NKD2: variants seen among roughly 807,000 people sequenced by gnomAD.
NKD2 encodes protein naked cuticle homolog 2.
A neutral mutation model predicts 34.8 loss-of-function variants in NKD2; 43 were observed. That is an observed-to-expected ratio of 1.24 (90% CI 0.97 to 1.60). The LOEUF is 1.60. Ranked by LOEUF, NKD2 falls within the 40% of genes most tolerant of loss-of-function variation. The pLI, the probability that NKD2 is intolerant of heterozygous loss-of-function variation, is 0.00. For missense variants in NKD2, 675 were observed against 627.1 expected, an observed-to-expected ratio of 1.08 and a Z score of -0.82; for synonymous variants, 278 against 265.1, an observed-to-expected ratio of 1.05 and a Z score of -0.47.
intron 3 of NKD2, among the ~76,000 whole-genome samples, chr5:1,031,456 C>T (rs1167664386): frequency 6.6e-6 from 1 of 152,154 alleles, no homozygotes; most frequent in Non-Finnish European, 1.5e-5. Context: ...CCCATCCCTC[C>T]CGCCCGCCTG....
At chr5:1,036,763 G>C (rs1442753964) in intron 9 of NKD2, 1 of 474,978 alleles carries the variant, frequency 2.1e-6, no homozygotes, top group Non-Finnish European at 4.2e-6. Flanking sequence ...AGCAGAGGGG[G>C]TCGTCCAGTA....
intron 9 of NKD2, chr5:1,036,871 G>A: frequency 2.2e-6 from 1 of 451,686 alleles, no homozygotes; most frequent in Non-Finnish European, 4.4e-6. Flanking sequence ...GTGGATGGCA[G>A]GCAGGCAGTG....
chr5:1,035,562 C>A, intron 8 of NKD2, 89 bp downstream of exon 8: 1 of 1,018,218 alleles, frequency 9.8e-7, no homozygotes, highest in Non-Finnish European at 1.5e-6. Context: ...AGGCCACAGG[C>A]CACACACCAT....
chr5:1,010,092 G>C (rs1355153261), intron 3 of NKD2, among the ~76,000 whole-genome samples: 2 of 152,186 alleles, frequency 1.3e-5, no homozygotes, highest in African/African-American at 2.4e-5. Context: ...AGGAGACAGA[G>C]GGACATCTGC....
chr5:1,016,241 C>T (rs1485169536), intron 3 of NKD2, among the ~76,000 whole-genome samples: 1 of 152,262 alleles, frequency 6.6e-6, no homozygotes, highest in Non-Finnish European at 1.5e-5. Flanking sequence ...GACCCCGATC[C>T]GCTCTCACGG....
Position 1,008,858 on chromosome 5 carries a change from G to GC in NKD2, c.-194dup, listed in dbSNP as rs1303947349. ...CTGTCCCCGCGCCCTGCGCCCGGTG[G>GC]CCCCCCACCTCCGCCCCGCGGCCGT... On this transcript the variant is annotated 5_prime_UTR_variant, in exon 1 of 10. Coordinates refer to ENST00000296849, the MANE Select transcript of NKD2 (RefSeq NM_033120.4). 31 of 344,496 alleles carry GC rather than the reference G, an allele frequency of 9.0e-5. No homozygotes were observed. Among genetic ancestry groups the GC allele is most frequent in the South Asian group, 5.9e-4 (4 of 6,772 alleles). 21.3% of individuals were successfully genotyped at this position (344,496 alleles called of 1,614,324 possible).
chr5:1,017,613 G>A (rs557331842), intron 3 of NKD2, among the ~76,000 whole-genome samples: 13 of 152,312 alleles, frequency 8.5e-5, no homozygotes, highest in Non-Finnish European at 1.5e-4. Context: ...AAAACAGAAG[G>A]GCTGAGTCCC....
chr5:1,036,492 GCCCCCCCCCAA>G, intron 9 of NKD2, 108 bp downstream of exon 9: 1 of 411,714 alleles, frequency 2.4e-6, no homozygotes. Flanking sequence ...GCCCTGCCCC[GCCCCCCCCCAA>G]CCCCCCCCAC....
intron 3 of NKD2, among the ~76,000 whole-genome samples, chr5:1,026,728 A>G (rs1756427054): frequency 6.6e-6 from 1 of 152,190 alleles, no homozygotes; most frequent in African/African-American, 2.4e-5. Flanking sequence ...GCCACCTGCC[A>G]GGCACTCACT....
chr5:1,038,896 C>T lies in NKD2; in HGVS notation c.*523C>T, dbSNP rs961320359. 13 of 218,620 alleles carry T rather than the reference C, an allele frequency of 5.9e-5. No individual in the cohort carries two copies. Among genetic ancestry groups the T allele is most frequent in the Middle Eastern group, 1.6e-3 (1 of 610 alleles). The allele number at this position is 218,620 out of a possible 1,614,324, so 13.5% of individuals were successfully genotyped here. A position where few individuals can be genotyped will look rare whatever the true frequency, so the allele number is the denominator to read the frequency against. On this transcript the variant is annotated 3_prime_UTR_variant, in exon 10 of 10. Transcript: ENST00000296849. This position sits in a 1 kb window ranked among gnomAD's most constrained non-coding sequence, Gnocchi z 4.5. Reference sequence around the variant, plus strand: ...TTAGCAGGGAGCATCCGCGGCTCCCCGCAGGAGGCCAAGCAGCAGAAGGCA... The same window carrying T: ...TTAGCAGGGAGCATCCGCGGCTCCCTGCAGGAGGCCAAGCAGCAGAAGGCA...
chr5:1,014,190 T>G (rs1392128610), intron 3 of NKD2, among the ~76,000 whole-genome samples: 1 of 152,198 alleles, frequency 6.6e-6, no homozygotes, highest in African/African-American at 2.4e-5. Flanking sequence ...CCTTCCTACT[T>G]GTGGCTGAGT....
chr5:1,028,215 G>A (rs1351469331), intron 3 of NKD2, among the ~76,000 whole-genome samples: 5 of 152,160 alleles, frequency 3.3e-5, no homozygotes, highest in South Asian at 2.1e-4. Flanking sequence ...CTGTCGTGGC[G>A]GGGACGTGGA....
chr5:1,036,701 C>T (rs1448972259), intron 9 of NKD2: 1 of 541,926 alleles, frequency 1.8e-6, no homozygotes, highest in African/African-American at 1.9e-5. Flanking sequence ...TCAGGGAAAC[C>T]CTGCCTTGGG....
chr5:1,032,009 G>A, intron 3 of NKD2, 143 bp from the exon 4 acceptor site: 1 of 680,014 alleles, frequency 1.5e-6, no homozygotes, highest in Non-Finnish European at 2.7e-6. Context: ...CGAAGGGTTG[G>A]TGTTTCTGGA....
intron 3 of NKD2, among the ~76,000 whole-genome samples, chr5:1,019,022 C>G (rs1396067800): frequency 2.6e-5 from 4 of 152,188 alleles, no homozygotes; most frequent in Non-Finnish European, 5.9e-5. Flanking sequence ...TTGGTGAGTC[C>G]TGGGTCAAAG....
intron 3 of NKD2, among the ~76,000 whole-genome samples, chr5:1,012,566 T>C (rs1213193536): frequency 2.0e-5 from 3 of 152,348 alleles, no homozygotes; most frequent in African/African-American, 7.2e-5. Flanking sequence ...AGGGCTGAGC[T>C]CCAGGCCAGG....
Position 1,033,546 on chromosome 5 carries a change from G to A in NKD2, c.330+47G>A, listed in dbSNP as rs374444646. ...CTTGCGGGAACACGTCCCTGGGGCC[G>A]GGGGCTCAGGGACAGGCATGTGTTG... is the stretch of plus-strand genomic sequence containing the variant. On this transcript the variant is annotated intron_variant, in intron 5 of 9. Coordinates refer to ENST00000296849, the MANE Select transcript of NKD2 (RefSeq NM_033120.4). The A allele has an allele frequency of 6.4e-5, 97 of 1,510,520 alleles. 1 individual carries two copies. The highest frequency in any genetic ancestry group is 5.2e-5 in the Non-Finnish European group (58 of 1,121,620). 93.6% of individuals were successfully genotyped at this position (1,510,520 alleles called of 1,614,324 possible). A position where few individuals can be genotyped will look rare whatever the true frequency, so the allele number is the denominator to read the frequency against.
chr5:1,020,660 GTTGC>G (rs1466299072), intron 3 of NKD2, among the ~76,000 whole-genome samples: 2 of 146,488 alleles, frequency 1.4e-5, no homozygotes, highest in African/African-American at 2.6e-5. Flanking sequence ...CTGACCACGT[GTTGC>G]TTGTCTTTTT....
At chr5:1,027,135 C>T (rs997599844) in intron 3 of NKD2, among the ~76,000 whole-genome samples, 3 of 152,254 alleles carry the variant, frequency 2.0e-5, no homozygotes, top group African/African-American at 7.2e-5. Flanking sequence ...CTTGACCTGC[C>T]AAGGACAGGG....
Sources: allele counts gnomAD v4.1 joint callset (sites outside exome capture counted in the v4.1 genomes callset), GRCh38; gene constraint gnomAD v4.1.1; non-coding constraint Gnocchi (gnomAD v3.1); transcripts MANE v1.5; gene names NCBI Gene and HGNC (gene_info 2026-07-23, HGNC 2026-07-21).